The following PLAAT1 variants were observed in gnomAD, a reference collection of about 807,000 sequenced individuals.
The protein encoded by PLAAT1 is H-REV107 protein-related protein.
Under a neutral mutation model 16.4 loss-of-function variants are expected in PLAAT1, and 13 were observed. The observed-to-expected ratio is 0.79, with a 90% CI of 0.52 to 1.26. The LOEUF (loss-of-function observed/expected upper bound fraction) is 1.26, where lower values mean the gene tolerates loss of function less well. Among genes scored for constraint, PLAAT1 ranks in the 50% most tolerant of loss-of-function variants. The pLI, the probability that PLAAT1 is intolerant of heterozygous loss-of-function variation, is 0.00. For missense variants in PLAAT1, 218 were observed against 207.8 expected, an observed-to-expected ratio of 1.05 and a Z score of -0.30; for synonymous variants, 73 against 78.4, an observed-to-expected ratio of 0.93 and a Z score of 0.36.
intron 1 of PLAAT1, among the ~76,000 whole-genome samples, chr3:193,253,903 T>A: frequency 6.6e-6 from 1 of 152,156 alleles, no homozygotes; most frequent in East Asian, 1.9e-4. Flanking sequence ...TGAAAAAAAA[T>A]TGCACTAGAA....
downstream of PLAAT1, among the ~76,000 whole-genome samples, chr3:193,272,223 C>T (rs1290349833): frequency 6.6e-6 from 1 of 152,130 alleles, no homozygotes; most frequent in East Asian, 1.9e-4. Flanking sequence ...GCAGGTGGAT[C>T]ATGAGGTCAG....
intron 3 of PLAAT1, 94 bp from the exon 4 acceptor site, chr3:193,270,510 G>A: frequency 9.5e-7 from 1 of 1,048,012 alleles, no homozygotes; most frequent in East Asian, 2.5e-5. Flanking sequence ...ATTAAAACAG[G>A]TGTTCAGTTT....
In PLAAT1 at chr3:193,241,779, C is replaced by G. The variant is rs543244503; in HGVS notation, c.-1+246C>G. The stretch of plus-strand genomic sequence containing the variant: ...GTTTAAGGCTTTTTAAGCCTACTGT[C>G]CTCACTGAAGTGAATATGAATAATA... On this transcript the variant is annotated intron_variant, in intron 1 of 3. Transcript: ENST00000264735. Among the ~76,000 whole-genome samples, 3 of 152,294 alleles carry G rather than the reference C, an allele frequency of 2.0e-5. No homozygotes were observed. The South Asian group carries it at 6.2e-4, about 32-fold the overall frequency.
chr3:193,264,475 T>A (rs112299811), intron 3 of PLAAT1, among the ~76,000 whole-genome samples: 2 of 151,294 alleles, frequency 1.3e-5, no homozygotes, highest in African/African-American at 4.9e-5. Flanking sequence ...TATTTGCCCA[T>A]TTTTTTGTTG....
chr3:193,258,572 A>G (rs1482869868), intron 2 of PLAAT1, among the ~76,000 whole-genome samples: 3 of 152,178 alleles, frequency 2.0e-5, no homozygotes, highest in African/African-American at 7.2e-5. Context: ...ATGACATTAT[A>G]ACCAGTCCTA....
At chr3:193,246,008 C>T (rs1478374770) in intron 1 of PLAAT1, among the ~76,000 whole-genome samples, 1 of 152,216 alleles carries the variant, frequency 6.6e-6, no homozygotes, top group African/African-American at 2.4e-5. Flanking sequence ...CATCAACAAA[C>T]AGAAATACAC....
chr3:193,267,466 G>A (rs1359048279), intron 3 of PLAAT1, among the ~76,000 whole-genome samples: 2 of 151,942 alleles, frequency 1.3e-5, no homozygotes, highest in Non-Finnish European at 2.9e-5. Flanking sequence ...GTAGTATGTG[G>A]CTTTTTTCAG....
chr3:193,260,368 A>G (rs1465147232), intron 2 of PLAAT1, among the ~76,000 whole-genome samples: 1 of 152,216 alleles, frequency 6.6e-6, no homozygotes, highest in Non-Finnish European at 1.5e-5. Context: ...ACCTAAGTAA[A>G]CAAAAGAGCT....
chr3:193,246,587 C>T (rs940518101), intron 1 of PLAAT1, among the ~76,000 whole-genome samples: 14 of 152,144 alleles, frequency 9.2e-5, no homozygotes, highest in African/African-American at 3.1e-4. Flanking sequence ...GTCTAGAACT[C>T]CTGGGCTCAA....
chr3:193,241,514 G>C lies in PLAAT1; in HGVS notation c.-20G>C, dbSNP rs1012028799. On this transcript the variant is annotated 5_prime_UTR_variant, in exon 1 of 4. Transcript: ENST00000264735. ...CAGCTGCCTCCCGGTGCGAGAAGAA[G>C]ACCCCGGCTTGAGAGTGAGGTGTGC... 3 of 1,231,926 alleles carry C rather than the reference G, an allele frequency of 2.4e-6. No individual in the cohort carries two copies. Among genetic ancestry groups the C allele is most frequent in the South Asian group, 8.2e-5 (2 of 24,320 alleles). The allele number at this position is 1,231,926 out of a possible 1,614,324, so 76.3% of individuals were successfully genotyped here.
chr3:193,246,789 G>A (rs972843033), intron 1 of PLAAT1, among the ~76,000 whole-genome samples: 1 of 152,172 alleles, frequency 6.6e-6, no homozygotes, highest in African/African-American at 2.4e-5. Flanking sequence ...AAAGATCTTT[G>A]CATTTGTGTT....
intron 3 of PLAAT1, among the ~76,000 whole-genome samples, chr3:193,270,069 A>AACAC (rs1553807457): frequency 0.06 from 8,822 of 147,878 alleles, 272 homozygotes; most frequent in Middle Eastern, 0.076. Context: ...ACATCCCTGA[A>AACAC]ACACACACAC....
downstream of PLAAT1, chr3:193,279,602 T>C: frequency 1.6e-6 from 1 of 631,266 alleles, no homozygotes; most frequent in East Asian, 2.9e-5. Context: ...TGAAATATGT[T>C]CTAATGCTTA....
chr3:193,244,738 C>A (rs1334928958), intron 1 of PLAAT1, among the ~76,000 whole-genome samples: 1 of 152,112 alleles, frequency 6.6e-6, no homozygotes, highest in African/African-American at 2.4e-5. Flanking sequence ...CAAGGTGGTA[C>A]AGAGTATCAC....
chr3:193,279,003 C>T (rs1717356566), downstream of PLAAT1, among the ~76,000 whole-genome samples: 1 of 152,092 alleles, frequency 6.6e-6, no homozygotes, highest in Non-Finnish European at 1.5e-5. Flanking sequence ...TTTTCTTTCC[C>T]TTTATAACTA....
At chr3:193,275,158 C>T (rs1488669160), downstream of PLAAT1, 8 of 1,614,170 alleles carry the variant, frequency 5.0e-6, no homozygotes, top group Non-Finnish European at 6.8e-6. Context: ...TTTTTGCCAT[C>T]ACCTGAATAA....
intron 3 of PLAAT1, among the ~76,000 whole-genome samples, chr3:193,263,827 C>G (rs2108798561): frequency 6.6e-6 from 1 of 152,162 alleles, no homozygotes; most frequent in African/African-American, 2.4e-5. Flanking sequence ...CAATTTTTGT[C>G]AGTTACTACC....
chr3:193,270,081 C>T (rs985182849), intron 3 of PLAAT1, among the ~76,000 whole-genome samples: 11 of 151,794 alleles, frequency 7.2e-5, no homozygotes, highest in Non-Finnish European at 1.0e-4. Context: ...CACACACACA[C>T]ACACACACAC....
At chr3:193,257,884 A>G (rs1716437045) in intron 2 of PLAAT1, among the ~76,000 whole-genome samples, 1 of 152,176 alleles carries the variant, frequency 6.6e-6, no homozygotes, top group Non-Finnish European at 1.5e-5. Flanking sequence ...CCTGCCCTTG[A>G]ACATCCGACT....
Sources: allele counts gnomAD v4.1 joint callset (sites outside exome capture counted in the v4.1 genomes callset), GRCh38; gene constraint gnomAD v4.1.1; transcripts MANE v1.5; gene names NCBI Gene and HGNC (gene_info 2026-07-23, HGNC 2026-07-21).